ZDHHC14: variants seen among roughly 807,000 people sequenced by gnomAD.
ZDHHC14 encodes zDHHC palmitoyltransferase 14.
Under a neutral mutation model 47.7 loss-of-function variants are expected in ZDHHC14, and 16 were observed. That is an observed-to-expected ratio of 0.34 (90% CI 0.23 to 0.51). The LOEUF is 0.51. ZDHHC14 is among the 20% of genes least tolerant of loss of function. The probability of loss-of-function intolerance (pLI) is 0.97; values close to 1 mark genes in which losing one functional copy is unlikely to be tolerated. For missense variants in ZDHHC14, 515 were observed against 662.5 expected (o/e 0.78, Z 2.44); for synonymous variants, 293 against 278.9 (o/e 1.05, Z -0.50).
At chr6:157,667,187 G>C (rs552663963) in intron 8 of ZDHHC14, among the ~76,000 whole-genome samples, 2 of 152,344 alleles carry the variant, frequency 1.3e-5, no homozygotes, top group African/African-American at 4.8e-5. Context: ...TTTCTGTTCA[G>C]AGTAGATGGA....
intron 3 of ZDHHC14, among the ~76,000 whole-genome samples, chr6:157,624,076 T>G (rs368312078): frequency 6.6e-6 from 1 of 152,224 alleles, no homozygotes; most frequent in Non-Finnish European, 1.5e-5. Context: ...TATGGCTGTG[T>G]GGAGCTTCTC....
At chr6:157,654,838 C>T (rs1232157613) in intron 8 of ZDHHC14, among the ~76,000 whole-genome samples, 3 of 151,814 alleles carry the variant, frequency 2.0e-5, no homozygotes, top group Non-Finnish European at 4.4e-5. Context: ...CAGGTTCAAG[C>T]GATTCTCCTG....
chr6:157,598,911 T>C (rs973214539), intron 3 of ZDHHC14, among the ~76,000 whole-genome samples: 9 of 152,356 alleles, frequency 5.9e-5, no homozygotes, highest in African/African-American at 1.9e-4. Context: ...AAATGTCATC[T>C]GATGAAACAA....
intron 2 of ZDHHC14, among the ~76,000 whole-genome samples, chr6:157,545,451 C>G (rs934456307): frequency 5.3e-5 from 8 of 151,808 alleles, no homozygotes; most frequent in Admixed American, 5.2e-4. Flanking sequence ...CCGAGGCAGG[C>G]AGATCACGAG....
intron 1 of ZDHHC14, among the ~76,000 whole-genome samples, chr6:157,412,158 C>T (rs776617950): frequency 2.5e-4 from 38 of 151,878 alleles, no homozygotes; most frequent in African/African-American, 7.7e-4. Context: ...AGGCTGGTCT[C>T]GAACTCCTGA....
chr6:157,583,285 A>T (rs1783578347), intron 2 of ZDHHC14, among the ~76,000 whole-genome samples: 1 of 152,122 alleles, frequency 6.6e-6, no homozygotes, highest in Non-Finnish European at 1.5e-5. Context: ...TGGAAAGAAG[A>T]CACTCTGGCT....
At chr6:157,406,335 T>C (rs1172031767) in intron 1 of ZDHHC14, among the ~76,000 whole-genome samples, 1 of 152,240 alleles carries the variant, frequency 6.6e-6, no homozygotes, top group Non-Finnish European at 1.5e-5. Flanking sequence ...ATGTGATGTC[T>C]CCTCAGGTAT....
At chr6:157,631,302 A>G (rs1394873011) in intron 4 of ZDHHC14, 1 of 152,230 alleles carries the variant, frequency 6.6e-6, no homozygotes, top group East Asian at 1.9e-4. Flanking sequence ...ACCATAGTCT[A>G]TACTTAAATA....
At chr6:157,636,153 G>T (rs1776962874) in intron 5 of ZDHHC14, among the ~76,000 whole-genome samples, 1 of 151,888 alleles carries the variant, frequency 6.6e-6, no homozygotes, top group Non-Finnish European at 1.5e-5. Flanking sequence ...CGTAGAGCCT[G>T]AAAGAAACAC....
chr6:157,554,038 C>A (rs1421885871), intron 2 of ZDHHC14, among the ~76,000 whole-genome samples: 1 of 152,216 alleles, frequency 6.6e-6, no homozygotes, highest in African/African-American at 2.4e-5. Flanking sequence ...CATAGATAGA[C>A]AGAAGCGAAC....
chr6:157,454,464 T>A (rs1253825335), intron 1 of ZDHHC14, among the ~76,000 whole-genome samples: 1 of 151,970 alleles, frequency 6.6e-6, no homozygotes, highest in African/African-American at 2.4e-5. Context: ...AACATAACAT[T>A]ACTGATTTTA....
At chr6:157,504,040 C>G (rs958309449) in intron 1 of ZDHHC14, among the ~76,000 whole-genome samples, 2 of 152,072 alleles carry the variant, frequency 1.3e-5, no homozygotes, top group Admixed American at 1.3e-4. Flanking sequence ...ATGATGATAA[C>G]TGTTCACAAT....
At chr6:157,482,367 C>A (rs1779653175) in intron 1 of ZDHHC14, among the ~76,000 whole-genome samples, 1 of 150,478 alleles carries the variant, frequency 6.6e-6, no homozygotes, top group Non-Finnish European at 1.5e-5. Context: ...GATTCTCCTG[C>A]CTCAGCCTTC....
At chr6:157,438,886 T>C (rs180862134) in intron 1 of ZDHHC14, among the ~76,000 whole-genome samples, 2 of 152,346 alleles carry the variant, frequency 1.3e-5, no homozygotes, top group Non-Finnish European at 2.9e-5. Context: ...TGGACAAATA[T>C]ATTTTATAAG....
chr6:157,397,007 G>A (rs1054137391), intron 1 of ZDHHC14, among the ~76,000 whole-genome samples: 2 of 152,162 alleles, frequency 1.3e-5, no homozygotes, highest in Non-Finnish European at 2.9e-5. Context: ...GCTTCGGATG[G>A]TGAGACAAGA....
intron 8 of ZDHHC14, among the ~76,000 whole-genome samples, chr6:157,658,508 C>T (rs1436583884): frequency 6.6e-6 from 1 of 151,508 alleles, no homozygotes; most frequent in Non-Finnish European, 1.5e-5. Flanking sequence ...CCCTGACCAA[C>T]AGCCCCCAAA....
intron 1 of ZDHHC14, among the ~76,000 whole-genome samples, chr6:157,479,803 C>A (rs558224377): frequency 6.6e-6 from 1 of 152,192 alleles, no homozygotes; most frequent in Non-Finnish European, 1.5e-5. Flanking sequence ...CTTCCCTGGT[C>A]CCCTCCTGGC....
intron 3 of ZDHHC14, among the ~76,000 whole-genome samples, chr6:157,617,192 A>G (rs547968285): frequency 1.3e-5 from 2 of 152,318 alleles, no homozygotes; most frequent in Admixed American, 6.5e-5. Flanking sequence ...CAGATGAGAT[A>G]TTATGTGAAA....
intron 3 of ZDHHC14, 47 bp downstream of exon 3, chr6:157,593,193 G>T (rs1321228645): frequency 6.3e-7 from 1 of 1,574,874 alleles, no homozygotes; most frequent in South Asian, 1.2e-5. Flanking sequence ...GGTCCTCCGG[G>T]TGGGTTTGCG....
Sources: gnomAD v4.1 joint callset for allele counts (sites outside exome capture counted in the v4.1 genomes callset) on GRCh38, gnomAD v4.1.1 for gene constraint, MANE v1.5 for transcripts, NCBI Gene and HGNC (gene_info 2026-07-23, HGNC 2026-07-21) for gene names.